The following KAZN variants were observed in gnomAD, a reference collection of about 807,000 sequenced individuals.
KAZN encodes the protein kazrin, periplakin interacting protein.
A neutral mutation model predicts 87.4 loss-of-function variants in KAZN; 40 were observed. The observed-to-expected ratio is 0.46, with a 90% CI of 0.36 to 0.60. The LOEUF (loss-of-function observed/expected upper bound fraction) is 0.60. KAZN is among the 20% of genes least tolerant of loss of function. The pLI is 0.00. For synonymous variants in KAZN, 466 were observed against 458.3 expected (o/e 1.02, Z -0.22); for missense variants, 898 against 1,073.9 (o/e 0.84, Z 2.29).
chr1:15,017,438 G>A (rs949309084), intron 2 of KAZN, among the ~76,000 whole-genome samples: 4 of 152,212 alleles, frequency 2.6e-5, no homozygotes, highest in Admixed American at 1.3e-4. Flanking sequence ...TCTTGACCTA[G>A]GAGATGATAG....
chr1:14,429,151 A>G (rs561770493), intron 2 of KAZN, among the ~76,000 whole-genome samples: 14 of 152,292 alleles, frequency 9.2e-5, no homozygotes, highest in African/African-American at 3.4e-4. Flanking sequence ...GTCAAGCTCT[A>G]GAAAATCAGG....
At chr1:14,890,840 CTTT>C (rs34718502) in intron 1 of KAZN, among the ~76,000 whole-genome samples, 2 of 69,676 alleles carry the variant, frequency 2.9e-5, no homozygotes, top group East Asian at 4.2e-4. Flanking sequence ...GGAATCTGGA[CTTT>C]TTTTTTTTTT....
intron 2 of KAZN, among the ~76,000 whole-genome samples, chr1:14,381,738 G>T (rs927112282): frequency 6.6e-6 from 1 of 152,002 alleles, no homozygotes; most frequent in Non-Finnish European, 1.5e-5. Context: ...GGGAAAAAAC[G>T]GAAAGCCTTT....
intron 1 of KAZN, among the ~76,000 whole-genome samples, chr1:14,080,891 C>A (rs1271661563): frequency 6.6e-6 from 1 of 152,128 alleles, no homozygotes; most frequent in African/African-American, 2.4e-5. Context: ...ACTAAACAGC[C>A]CTGAAGATAC....
At chr1:14,136,289 G>A (rs1404402526) in intron 1 of KAZN, among the ~76,000 whole-genome samples, 1 of 152,130 alleles carries the variant, frequency 6.6e-6, no homozygotes, top group Non-Finnish European at 1.5e-5. Flanking sequence ...ATCTCCCTGT[G>A]ACCTTGGGTA....
In KAZN at chr1:14,715,048, G is replaced by A. The variant is rs915279633; in HGVS notation, c.226+115825G>A. Among the ~76,000 whole-genome samples the A allele has an allele frequency of 7.9e-5, 12 of 150,960 alleles. No homozygotes were observed. In the East Asian group the frequency reaches 1.6e-3, roughly 20 times the overall value. The stretch of plus-strand genomic sequence containing the variant: ...CTCAGCTTAGCAATCCTCCCACCTC[G>A]GCCTCCCAGAGTGCTGGGACCACAG... On this transcript the variant is annotated intron_variant, in intron 1 of 14. Coordinates refer to ENST00000376030, the MANE Select transcript of KAZN (RefSeq NM_201628.3).
chr1:14,113,044 A>T (rs1644534124), intron 1 of KAZN, among the ~76,000 whole-genome samples: 2 of 152,142 alleles, frequency 1.3e-5, no homozygotes, highest in South Asian at 4.1e-4. Flanking sequence ...AGAGATGAGG[A>T]GTTTCTTCAC....
intron 1 of KAZN, among the ~76,000 whole-genome samples, chr1:13,894,640 A>T (rs773367474): frequency 2.4e-4 from 37 of 152,206 alleles, no homozygotes; most frequent in Admixed American, 1.2e-3. Context: ...GAAGATGGTG[A>T]GACGAGCACT....
intron 1 of KAZN, among the ~76,000 whole-genome samples, chr1:14,803,045 T>C (rs1646090817): frequency 6.6e-6 from 1 of 152,186 alleles, no homozygotes; most frequent in Non-Finnish European, 1.5e-5. Flanking sequence ...AGAGTTACAT[T>C]ATGTATGCAA....
At position 15,104,156 on chromosome 1, in the gene KAZN, C is replaced by A. The variant is rs779819006; in HGVS notation, c.2015C>A (p.Ala672Glu). The change falls in exon 13 of 15, where the codon GCA becomes GAA. Residue 672 changes from alanine (A) to glutamate (E), a missense_variant. By Grantham distance (107) the Ala-to-Glu change is moderately radical. Coordinates refer to ENST00000376030, the MANE Select transcript of KAZN (RefSeq NM_201628.3). Reference protein sequence around the residue: ...SGKHILRRHLAEEMSAVFHPA... With the variant: ...SGKHILRRHLEEEMSAVFHPA... ...AAGCACATCCTCCGGAGACACCTGG[C>A]AGAGGAGATGAGCGCCGTCTTCCAC... 3.1e-6 allele frequency: 5 copies of A among 1,600,010 alleles called. No individual in the cohort carries two copies. Among genetic ancestry groups the A allele is most frequent in the Non-Finnish European group, 4.3e-6 (5 of 1,173,686 alleles).
chr1:14,618,857 G>A (rs541351761), intron 1 of KAZN, among the ~76,000 whole-genome samples: 30 of 152,244 alleles, frequency 2.0e-4, no homozygotes, highest in Admixed American at 4.6e-4. Flanking sequence ...TGAAGGAAAG[G>A]TGAGGGGTTC....
intron 1 of KAZN, among the ~76,000 whole-genome samples, chr1:14,690,178 T>G (rs552376177): frequency 6.6e-6 from 1 of 152,184 alleles, no homozygotes. Flanking sequence ...GCCGCGGCAG[T>G]GCTCATCATG....
At chr1:14,766,821 G>A (rs895296933) in intron 1 of KAZN, among the ~76,000 whole-genome samples, 2 of 151,576 alleles carry the variant, frequency 1.3e-5, no homozygotes, top group African/African-American at 4.9e-5. Context: ...TAGAATCACT[G>A]GGAGGACTCT....
At chr1:13,986,869 T>G (rs1450899255) in intron 1 of KAZN, among the ~76,000 whole-genome samples, 1 of 152,256 alleles carries the variant, frequency 6.6e-6, no homozygotes, top group African/African-American at 2.4e-5. Flanking sequence ...TGCTCTGTCC[T>G]GGACCTGAAG....
intron 2 of KAZN, among the ~76,000 whole-genome samples, chr1:14,419,329 T>C (rs1310948879): frequency 3.3e-5 from 5 of 152,222 alleles, no homozygotes; most frequent in African/African-American, 1.2e-4. Context: ...CTATTCTGTC[T>C]GACGTCCGTG....
chr1:13,905,192 T>G (rs970200572), intron 1 of KAZN, among the ~76,000 whole-genome samples: 2 of 152,258 alleles, frequency 1.3e-5, no homozygotes, highest in Non-Finnish European at 2.9e-5. Flanking sequence ...AATACTTATC[T>G]GATAAAGGAA....
chr1:14,681,029 G>A (rs1456439514), intron 1 of KAZN, among the ~76,000 whole-genome samples: 1 of 152,128 alleles, frequency 6.6e-6, no homozygotes, highest in African/African-American at 2.4e-5. Context: ...GCAAGAGAGA[G>A]AATTAGCAGG....
At chr1:14,497,556 T>TTTA (rs1670015436) in intron 2 of KAZN, among the ~76,000 whole-genome samples, 1 of 152,156 alleles carries the variant, frequency 6.6e-6, no homozygotes, top group Non-Finnish European at 1.5e-5. Context: ...AGAAGAATAA[T>TTTA]TTATTTCAGT....
intron 1 of KAZN, among the ~76,000 whole-genome samples, chr1:14,660,633 T>C (rs925263313): frequency 2.7e-5 from 4 of 146,094 alleles, no homozygotes; most frequent in African/African-American, 1.0e-4. Context: ...TGCCGATGGC[T>C]GAGCCTTGCC....
Sources: allele counts gnomAD v4.1 joint callset (sites outside exome capture counted in the v4.1 genomes callset), GRCh38; gene constraint gnomAD v4.1.1; transcripts MANE v1.5; gene names NCBI Gene and HGNC (gene_info 2026-07-23, HGNC 2026-07-21).